Variants in DNAH12 observed in about 807,000 individuals in gnomAD.
The protein encoded by DNAH12 is axonemal beta dynein heavy chain 12.
DNAH12 carries 285 observed loss-of-function variants against 371.5 expected under a neutral mutation model. The observed-to-expected ratio is 0.77, with a 90% CI of 0.70 to 0.85. DNAH12 has a LOEUF of 0.85. Ranked by LOEUF, DNAH12 falls within the 40% of genes least tolerant of loss-of-function variation. DNAH12 has a pLI of 0.00. For missense variants in DNAH12, 3,611 were observed against 3,689.4 expected (o/e 0.98, Z 0.55); for synonymous variants, 1,200 against 1,213.0 (o/e 0.99, Z 0.22).
chr3:57,527,733 C>T (rs2068698488), intron 2 of DNAH12, among the ~76,000 whole-genome samples: 1 of 152,178 alleles, frequency 6.6e-6, no homozygotes, highest in African/African-American at 2.4e-5. Context: ...GGTCACACAT[C>T]CAAACTATAT....
chr3:57,493,550 C>G (rs2067205556), intron 11 of DNAH12: 1 of 152,050 alleles, frequency 6.6e-6, no homozygotes, highest in African/African-American at 2.4e-5. Context: ...AGTAATAATG[C>G]ATTTATGCAT....
chr3:57,333,309 A>G (rs1377298530), intron 62 of DNAH12, among the ~76,000 whole-genome samples: 2 of 134,818 alleles, frequency 1.5e-5, no homozygotes, highest in Non-Finnish European at 3.0e-5. Context: ...GTGCCCGGAT[A>G]CATGTTCTTT....
chr3:57,492,767 G>A (rs1442455663), intron 11 of DNAH12, among the ~76,000 whole-genome samples: 1 of 152,112 alleles, frequency 6.6e-6, no homozygotes, highest in Non-Finnish European at 1.5e-5. Context: ...CCAGCATTTT[G>A]GGAGGCCGAA....
At chr3:57,363,051 T>C (rs1251706779) in intron 58 of DNAH12, among the ~76,000 whole-genome samples, 2 of 152,140 alleles carry the variant, frequency 1.3e-5, no homozygotes, top group Admixed American at 6.6e-5. Flanking sequence ...TTGTATAAGG[T>C]ATAAGGGAGG....
At position 57,402,124 on chromosome 3, in the gene DNAH12, AAG is replaced by A. The variant is rs373812267; in HGVS notation, c.6948+1183_6948+1184del. Among the ~76,000 whole-genome samples, 149 of 152,320 alleles carry A rather than the reference AAG, an allele frequency of 9.8e-4. 2 individuals are homozygous for A. Among genetic ancestry groups the A allele is most frequent in the African/African-American group, 3.4e-3 (142 of 41,572 alleles). On this transcript the variant is annotated intron_variant, in intron 43 of 73. Coordinates refer to ENST00000495027, the MANE Select transcript of DNAH12 (RefSeq NM_001366028.2). The stretch of plus-strand genomic sequence containing the variant: ...TTTTCCTCTAAAGTGTAAGCAGAAA[AAG>A]AAACAATGTAAGTGTAATTTTCCTT...
chr3:57,434,481 T>C (rs77551786), intron 30 of DNAH12, among the ~76,000 whole-genome samples: 1 of 152,314 alleles, frequency 6.6e-6, no homozygotes, highest in East Asian at 1.9e-4. Flanking sequence ...AAATAAATCT[T>C]TGTTTTTTAA....
At chr3:57,362,752 T>G (rs1244545688) in intron 58 of DNAH12, among the ~76,000 whole-genome samples, 2 of 152,244 alleles carry the variant, frequency 1.3e-5, no homozygotes, top group Non-Finnish European at 2.9e-5. Context: ...AAGTTCTTTG[T>G]AGATTCTGGA....
intron 17 of DNAH12, among the ~76,000 whole-genome samples, chr3:57,467,512 T>G (rs1281362199): frequency 1.3e-5 from 2 of 152,170 alleles, no homozygotes; most frequent in East Asian, 3.8e-4. Flanking sequence ...TGCTAAAATT[T>G]TTTAATGTAT....
intron 52 of DNAH12, 97 bp from the exon 53 acceptor site, chr3:57,377,319 T>C (rs1203412309): frequency 2.0e-5 from 3 of 152,152 alleles, no homozygotes; most frequent in Non-Finnish European, 4.4e-5. Context: ...AGAAATGCAT[T>C]GTAATAAATT....
intron 35 of DNAH12, among the ~76,000 whole-genome samples, 192 bp from the exon 36 acceptor site, chr3:57,421,898 A>ATTTTTTTTTTTTTTT (rs2064593965): frequency 9.5e-6 from 1 of 104,826 alleles, no homozygotes; most frequent in African/African-American, 5.4e-5. Flanking sequence ...AAATGTTTGC[A>ATTTTTTTTTTTTTTT]TGTCTTTTTT....
chr3:57,305,420 A>G (rs2061448826), intron 69 of DNAH12, among the ~76,000 whole-genome samples: 2 of 151,814 alleles, frequency 1.3e-5, no homozygotes, highest in South Asian at 4.1e-4. Context: ...TAATCTTTTT[A>G]TCACCTCCCC....
chr3:57,396,133 C>T (rs2063731402), intron 43 of DNAH12, among the ~76,000 whole-genome samples: 1 of 151,146 alleles, frequency 6.6e-6, no homozygotes, highest in Non-Finnish European at 1.5e-5. Flanking sequence ...ACAAAATAAC[C>T]TGGGCATGGT....
intron 60 of DNAH12, among the ~76,000 whole-genome samples, chr3:57,343,945 C>T (rs1006736073): frequency 7.9e-5 from 12 of 152,138 alleles, no homozygotes; most frequent in African/African-American, 2.4e-4. Context: ...GATTCTTTTG[C>T]TCACATGTTT....
In DNAH12 at chr3:57,446,650, C is replaced by A; in HGVS notation, c.3826G>T (p.Gly1276Trp). The A allele has an allele frequency of 6.5e-7, 1 of 1,546,592 alleles. No homozygotes were observed. Among genetic ancestry groups the A allele is most frequent in the Non-Finnish European group, 8.7e-7 (1 of 1,144,540 alleles). ...FYLNLGGAPE[G>W]PAGTGKTETT... ...TCGGTTTTTCCTGTGCCTGCTGGCC[C>A]CTCTGGAGCACCTCCAAGGTTTAAA... Residue 1276 changes from glycine to tryptophan, a missense_variant, in exon 26 of 74, where the codon GGG becomes TGG. This residue lies in a region of DNAH12 where 2,266 missense variants were observed against 2,236.9 expected (regional missense o/e 1.01). Transcript: ENST00000495027.
chr3:57,357,532 A>G (rs2153325582), intron 58 of DNAH12, among the ~76,000 whole-genome samples, 184 bp from the exon 59 acceptor site: 1 of 152,270 alleles, frequency 6.6e-6, no homozygotes, highest in South Asian at 2.1e-4. Flanking sequence ...ACAAAAGGGG[A>G]TGAAGGAAAG....
At chr3:57,414,472 G>C (rs2064303415) in intron 38 of DNAH12, among the ~76,000 whole-genome samples, 1 of 152,108 alleles carries the variant, frequency 6.6e-6, no homozygotes, top group Non-Finnish European at 1.5e-5. Flanking sequence ...TTGGTGTACA[G>C]ATTATTTCAT....
intron 2 of DNAH12, 68 bp downstream of exon 2, chr3:57,542,633 G>A (rs967613315): frequency 2.0e-6 from 3 of 1,475,374 alleles, no homozygotes; most frequent in Admixed American, 2.4e-5. Flanking sequence ...AAACTTTTTA[G>A]GAGAATATGA....
chr3:57,505,321 C>G (rs2067714041), intron 8 of DNAH12, among the ~76,000 whole-genome samples: 1 of 149,750 alleles, frequency 6.7e-6, no homozygotes. Context: ...TCCATTAGTT[C>G]AACTGTTTTA....
chr3:57,373,527 T>C (rs1278865995), intron 55 of DNAH12, among the ~76,000 whole-genome samples: 2 of 150,596 alleles, frequency 1.3e-5, no homozygotes, highest in Non-Finnish European at 3.0e-5. Flanking sequence ...GGTTTCACCA[T>C]ATTGACCAGG....
Sources: allele counts gnomAD v4.1 joint callset (sites outside exome capture counted in the v4.1 genomes callset), GRCh38; gene constraint gnomAD v4.1.1; regional missense constraint gnomAD v4.1.1; transcripts MANE v1.5; gene names NCBI Gene and HGNC (gene_info 2026-07-23, HGNC 2026-07-21).